IL5RA: variants seen among roughly 807,000 people sequenced by gnomAD.
The protein encoded by IL5RA is interleukin 5 receptor subunit alpha, also known as interleukin-5 receptor subunit alpha.
A neutral mutation model predicts 50.0 loss-of-function variants in IL5RA; 49 were observed. The observed-to-expected ratio is 0.98, with a 90% CI of 0.78 to 1.24. The LOEUF (loss-of-function observed/expected upper bound fraction) is 1.24. Among genes scored for constraint, IL5RA ranks in the 50% most tolerant of loss-of-function variants. The pLI, the probability that IL5RA is intolerant of heterozygous loss-of-function variation, is 0.00. For missense variants in IL5RA, 600 were observed against 500.4 expected (o/e 1.20, Z -1.90); for synonymous variants, 202 against 174.0 (o/e 1.16, Z -1.26).
intron 9 of IL5RA, among the ~76,000 whole-genome samples, chr3:3,079,973 G>A (rs1702611922): frequency 6.6e-6 from 1 of 152,088 alleles, no homozygotes; most frequent in South Asian, 2.1e-4. Flanking sequence ...GGCAGAGGCT[G>A]CAGTGAGCCC....
rs141804751 is a variant in IL5RA, at chr3:3,099,992, T to C, written c.367+1700A>G. On this transcript the variant is annotated intron_variant, in intron 5 of 11. Coordinates refer to ENST00000446632, the MANE Select transcript of IL5RA (RefSeq NM_175726.4). ...GCCAAGATTTTAAATGCAACCTTTT[T>C]ATGTTTGCTTCATTAAGGATTTCTC... is the stretch of plus-strand genomic sequence containing the variant. Among the ~76,000 whole-genome samples, 136 of 152,306 alleles carry C rather than the reference T, an allele frequency of 8.9e-4. 1 individual carries two copies. Among genetic ancestry groups the C allele is most frequent in the African/African-American group, 3.2e-3 (133 of 41,570 alleles).
chr3:3,069,947 A>T lies in IL5RA; in HGVS notation c.*278T>A. On this transcript the variant is annotated 3_prime_UTR_variant, in exon 12 of 12. Transcript: ENST00000446632. ...GAGGTGAGTCAAGCAAATTGCAAAG[A>T]TTGGCAGGTGAGGAGGTGCTACCCT... 1 of 283,056 alleles carries T rather than the reference A, an allele frequency of 3.5e-6. No individual in the cohort carries two copies. 17.5% of individuals were successfully genotyped at this position (283,056 alleles called of 1,614,324 possible).
At position 3,110,322 on chromosome 3, in the gene IL5RA, A is replaced by C. The variant is rs370447918; in HGVS notation, c.-523T>G. On this transcript the variant is annotated 5_prime_UTR_variant, in exon 1 of 12. Transcript: ENST00000446632. ...GAATTAACTTTTACTCATGGTGACA[A>C]GGTAAACAAGTTTTCCGTGGGTACT... 6.6e-6 allele frequency: 1 copy of C among 152,186 alleles called. No homozygotes were observed. The highest frequency in any genetic ancestry group is 2.1e-4 in the South Asian group (1 of 4,836). 9.4% of individuals were successfully genotyped at this position (152,186 alleles called of 1,614,324 possible).
chr3:3,104,095 G>A (rs951556476), intron 3 of IL5RA, among the ~76,000 whole-genome samples: 2 of 152,236 alleles, frequency 1.3e-5, no homozygotes, highest in Non-Finnish European at 2.9e-5. Context: ...CTGGAGGGCA[G>A]TGTTGTGCGA....
intron 5 of IL5RA, 45 bp from the exon 6 acceptor site, chr3:3,098,335 C>T: frequency 6.5e-7 from 1 of 1,545,010 alleles, no homozygotes; most frequent in Non-Finnish European, 8.9e-7. Flanking sequence ...CCATGGCAAA[C>T]TCTGAATTTC....
Position 3,089,975 on chromosome 3 carries a change from C to T in IL5RA, c.994+2249G>A, listed in dbSNP as rs17882324. 2,272 of 458,710 alleles carry T rather than the reference C, an allele frequency of 5.0e-3. 46 individuals are homozygous for T. The highest frequency in any genetic ancestry group is 0.043 in the African/African-American group (2,103 of 48,606). 28.4% of individuals were successfully genotyped at this position (458,710 alleles called of 1,614,324 possible). ...CTTTAAAGCTTGCAGAATCCTGTCC[C>T]ACCATGCCAGAGTGTCCAGAGATCA... On this transcript the variant is annotated intron_variant, in intron 9 of 11. Transcript: ENST00000446632.
chr3:3,085,464 T>C (rs1702818806), intron 9 of IL5RA, among the ~76,000 whole-genome samples: 1 of 152,080 alleles, frequency 6.6e-6, no homozygotes, highest in South Asian at 2.1e-4. Context: ...AGTGACGGGA[T>C]CAGGAGAGAC....
chr3:3,071,694 A>G (rs1293496297), intron 11 of IL5RA, among the ~76,000 whole-genome samples: 1 of 150,710 alleles, frequency 6.6e-6, no homozygotes, highest in Non-Finnish European at 1.5e-5. Flanking sequence ...GGCTCAAGCC[A>G]TCTTCCCACC....
chr3:3,109,325 G>A (rs1037107302), intron 1 of IL5RA, among the ~76,000 whole-genome samples: 2 of 152,158 alleles, frequency 1.3e-5, no homozygotes, highest in African/African-American at 2.4e-5. Context: ...AGAAAAAGCA[G>A]AACGCCTCCT....
chr3:3,106,271 C>G (rs1318171629), intron 2 of IL5RA, among the ~76,000 whole-genome samples: 1 of 152,098 alleles, frequency 6.6e-6, no homozygotes, highest in African/African-American at 2.4e-5. Flanking sequence ...AAATATAATT[C>G]CAGTAGAACC....
chr3:3,086,912 C>T lies in IL5RA; in HGVS notation c.994+5312G>A, dbSNP rs373560704. ...AAAAAGAATGCAATAATGTCTTTTG[C>T]AGCAACTTGGATGGAATTGGAGGCC... On this transcript the variant is annotated intron_variant, in intron 9 of 11. Coordinates refer to ENST00000446632, the MANE Select transcript of IL5RA (RefSeq NM_175726.4). 3.1e-4 allele frequency among the ~76,000 whole-genome samples: 47 copies of T among 152,244 alleles called. 1 individual carries two copies. The South Asian group carries it at 8.3e-3, about 27-fold the overall frequency.
rs200357880 is a variant in IL5RA, at chr3:3,098,126, A to G, written c.521+11T>C. 6.2e-7 allele frequency: 1 copy of G among 1,613,972 alleles called. No individual in the cohort carries two copies. Among genetic ancestry groups the G allele is most frequent in the Admixed American group, 1.7e-5 (1 of 60,024 alleles). On this transcript the variant is annotated intron_variant, in intron 6 of 11. Coordinates refer to ENST00000446632, the MANE Select transcript of IL5RA (RefSeq NM_175726.4). ...ACCATTTGCCTAAGTAAAAATAGGT[A>G]CAGTACTAACCTATAGTAGAGAAAA...
At chr3:3,086,335 C>A (rs1169495351) in intron 9 of IL5RA, among the ~76,000 whole-genome samples, 1 of 152,160 alleles carries the variant, frequency 6.6e-6, no homozygotes, top group African/African-American at 2.4e-5. Context: ...AGAAAACACA[C>A]AGCTTCATGA....
intron 11 of IL5RA, among the ~76,000 whole-genome samples, chr3:3,072,417 G>T (rs1314017040): frequency 6.6e-6 from 1 of 152,196 alleles, no homozygotes; most frequent in African/African-American, 2.4e-5. Flanking sequence ...TCTGAAACCA[G>T]CTTGTCTGCC....
chr3:3,109,753 C>CT (rs970117021), intron 1 of IL5RA, among the ~76,000 whole-genome samples, 192 bp downstream of exon 1: 8 of 152,122 alleles, frequency 5.3e-5, no homozygotes, highest in African/African-American at 1.9e-4. Context: ...TTTGTTTCCC[C>CT]TTTTTGTTGT....
chr3:3,070,729 C>G (rs1435728178), intron 11 of IL5RA, among the ~76,000 whole-genome samples: 1 of 151,826 alleles, frequency 6.6e-6, no homozygotes, highest in African/African-American at 2.4e-5. Context: ...ACTACAAGTA[C>G]ACACCACCAT....
At chr3:3,103,384 T>C (rs1220108996) in intron 3 of IL5RA, among the ~76,000 whole-genome samples, 1 of 152,212 alleles carries the variant, frequency 6.6e-6, no homozygotes, top group Non-Finnish European at 1.5e-5. Flanking sequence ...CCAGAATTTT[T>C]GTTTTAGTAA....
At chr3:3,096,103 C>T (rs1263106588) in intron 7 of IL5RA, among the ~76,000 whole-genome samples, 1 of 151,900 alleles carries the variant, frequency 6.6e-6, no homozygotes, top group Non-Finnish European at 1.5e-5. Context: ...GTGGTGAAAC[C>T]CCCTCTCTAC....
chr3:3,077,996 C>A (rs940002332), intron 9 of IL5RA, among the ~76,000 whole-genome samples: 40 of 152,182 alleles, frequency 2.6e-4, no homozygotes, highest in African/African-American at 9.4e-4. Context: ...TGGAACTGTA[C>A]AAATTACTGG....
Sources: allele counts gnomAD v4.1 joint callset (sites outside exome capture counted in the v4.1 genomes callset), GRCh38; gene constraint gnomAD v4.1.1; transcripts MANE v1.5; gene names NCBI Gene and HGNC (gene_info 2026-07-23, HGNC 2026-07-21).